The following UPP1 variants were observed in gnomAD, a reference collection of about 807,000 sequenced individuals.
UPP1 encodes the protein uridine phosphorylase 1.
Under a neutral mutation model 29.6 loss-of-function variants are expected in UPP1, and 25 were observed. The ratio of observed to expected loss-of-function variants is 0.85; its 90% CI spans 0.62 to 1.18. The LOEUF (loss-of-function observed/expected upper bound fraction) is 1.18. UPP1 is among the 50% of genes most tolerant of loss of function. The pLI is 0.00. For synonymous variants in UPP1, 165 were observed against 159.8 expected (o/e 1.03, Z -0.25); for missense variants, 368 against 410.4 (o/e 0.90, Z 0.89).
chr7:48,090,556 T>C (rs1195524351), intron 2 of UPP1, among the ~76,000 whole-genome samples, 192 bp downstream of exon 2: 1 of 152,230 alleles, frequency 6.6e-6, no homozygotes, highest in African/African-American at 2.4e-5. Context: ...CTTCCTGGGG[T>C]CTTCTGGTTA....
rs944361118 is a variant in UPP1 at position 48,099,561 on chromosome 7, G to A, written c.45-109G>A. The A allele has an allele frequency of 6.5e-5, 50 of 763,850 alleles. No individual in the cohort carries two copies. In the African/African-American group the frequency reaches 7.8e-4, roughly 12 times the overall value. The allele number at this position is 763,850 out of a possible 1,614,324, so 47.3% of individuals were successfully genotyped here. On this transcript the variant is annotated intron_variant, in intron 3 of 8. Coordinates refer to ENST00000395564, the MANE Select transcript of UPP1 (RefSeq NM_003364.4). ...TGTCTTATCTCCGGGATCTGGCCCT[G>A]TCTTTCTCCCACCATGAGCCTCGTG... is the stretch of plus-strand genomic sequence containing the variant.
Position 48,107,062 on chromosome 7 carries a change from G to A in UPP1, c.626G>A (p.Cys209Tyr). ...EFTTVVGNTM[C>Y]TLDFYEGQGR... ...ACCACAGTGGTGGGGAACACCATGT[G>A]CACCTTGGACTTCTATGAAGGTGAG... Residue 209 changes from cysteine (C) to tyrosine (Y), a missense_variant, in exon 7 of 9, where the codon TGC becomes TAC. Transcript: ENST00000395564. 1.2e-6 allele frequency: 2 copies of A among 1,612,148 alleles called. No homozygotes were observed. The highest frequency in any genetic ancestry group is 1.7e-6 in the Non-Finnish European group (2 of 1,179,888).
At chr7:48,107,711 G>A (rs1792844134) in intron 8 of UPP1, among the ~76,000 whole-genome samples, 2 of 152,174 alleles carry the variant, frequency 1.3e-5, no homozygotes, top group African/African-American at 4.8e-5. Flanking sequence ...ACAAAATGCA[G>A]GATTCTCAGT....
In UPP1 at chr7:48,103,645, TG is replaced by T; in HGVS notation, c.436+239del. 8 of 941,782 alleles carry T rather than the reference TG, an allele frequency of 8.5e-6. No homozygotes were observed. The South Asian group carries it at 9.6e-5, about 11-fold the overall frequency. 58.3% of individuals were successfully genotyped at this position (941,782 alleles called of 1,614,324 possible). A position where few individuals can be genotyped will look rare whatever the true frequency, so the allele number is the denominator to read the frequency against. ...GTAGAAGGGCACCACACCATGCATA[TG>T]GGGGAAACTCATCCTTTTGGGGTTA... On this transcript the variant is annotated intron_variant, in intron 6 of 8. Transcript: ENST00000395564.
intron 2 of UPP1, among the ~76,000 whole-genome samples, chr7:48,091,113 CAACA>C (rs1391601415): frequency 6.6e-6 from 1 of 152,042 alleles, no homozygotes; most frequent in Non-Finnish European, 1.5e-5. Flanking sequence ...TAAAGATAAA[CAACA>C]AACATTCTTC....
At chr7:48,098,356 A>G (rs1792232912) in intron 3 of UPP1, among the ~76,000 whole-genome samples, 1 of 152,192 alleles carries the variant, frequency 6.6e-6, no homozygotes, top group South Asian at 2.1e-4. Context: ...AGATAGAAAT[A>G]GGGATTTGAT....
intron 5 of UPP1, among the ~76,000 whole-genome samples, chr7:48,102,347 C>T (rs1792473215): frequency 6.6e-6 from 1 of 152,168 alleles, no homozygotes; most frequent in Non-Finnish European, 1.5e-5. Flanking sequence ...TCCCCTCTAC[C>T]ACCTCACAGT....
rs1188043174 is a variant in UPP1, at chr7:48,108,284, T to G, written c.860T>G (p.Val287Gly). Residue 287 changes from valine to glycine, a missense_variant, in exon 9 of 9, where the codon GTG (valine) becomes GGG (glycine). Physicochemically the swap from Val to Gly is moderately radical, Grantham distance 109. Transcript: ENST00000395564. ...EGDQISSPRN[V>G]LSEYQQRPQR... Reference sequence around the variant, plus strand: ...GACCAGATCAGCAGCCCTCGCAATGTGCTCAGCGAGTACCAGCAGAGGCCG... The same window carrying G: ...GACCAGATCAGCAGCCCTCGCAATGGGCTCAGCGAGTACCAGCAGAGGCCG... The G allele has an allele frequency of 6.2e-7, 1 of 1,614,146 alleles. No homozygotes were observed. The highest frequency in any genetic ancestry group is 2.2e-5 in the East Asian group (1 of 44,884).
At chr7:48,095,514 C>G (rs1278028017) in intron 3 of UPP1, among the ~76,000 whole-genome samples, 1 of 151,654 alleles carries the variant, frequency 6.6e-6, no homozygotes, top group East Asian at 1.9e-4. Context: ...TGAGACCTCT[C>G]TGAAGTCTCA....
At chr7:48,107,147 C>T in intron 7 of UPP1, 65 bp downstream of exon 7, 1 of 1,571,620 alleles carries the variant, frequency 6.4e-7, no homozygotes, top group Non-Finnish European at 8.7e-7. Flanking sequence ...CCTGAGCCTG[C>T]CTTCTCGCTG....
At chr7:48,088,956 T>C (rs992068603), upstream of UPP1, 8 of 152,436 alleles carry the variant, frequency 5.2e-5, no homozygotes, top group Non-Finnish European at 7.3e-5. Context: ...AGGGGCTGTT[T>C]AATGAGTAAC....
intron 6 of UPP1, chr7:48,103,953 C>T: frequency 2.4e-6 from 3 of 1,246,594 alleles, no homozygotes; most frequent in Admixed American, 5.3e-5. Context: ...GGCGCGGTGG[C>T]TCACACCTGT....
In UPP1 at chr7:48,107,440, C is replaced by T. The variant is rs756236200; in HGVS notation, c.726C>T (p.Ala242=). The change falls in exon 8 of 9, where the codon GCC becomes GCT. Residue 242 remains alanine (A), a synonymous_variant. Transcript: ENST00000395564. ...CGTATCTGGAGGCAGCCTATGCAGCCGGCGTCCGCAATATCGAGATGGAGT... is the reference window on the plus strand; with the variant it reads ...CGTATCTGGAGGCAGCCTATGCAGCTGGCGTCCGCAATATCGAGATGGAGT... The part of the protein sequence containing the change: ...KQAYLEAAYA[A]GVRNIEMESS... 78 of 1,614,060 alleles carry T rather than the reference C, an allele frequency of 4.8e-5. No homozygotes were observed. The highest frequency in any genetic ancestry group is 6.6e-5 in the South Asian group (6 of 91,086).
Position 48,102,380 on chromosome 7 carries a change from G to A in UPP1, c.321+398G>A, listed in dbSNP as rs901302697. On this transcript the variant is annotated intron_variant, in intron 5 of 8. Transcript: ENST00000395564. ...AGTGAGTTACTTCAAAACACATTTTGATTTAGCAAGGAGCATGGTGAACAC... is the reference window on the plus strand; with the variant it reads ...AGTGAGTTACTTCAAAACACATTTTAATTTAGCAAGGAGCATGGTGAACAC... 1.2e-4 allele frequency among the ~76,000 whole-genome samples: 19 copies of A among 152,272 alleles called. No individual in the cohort carries two copies. The Middle Eastern group carries it at 0.01, about 82-fold the overall frequency.
At chr7:48,103,653 ACT>A (rs1792556701) in intron 6 of UPP1, 1 of 998,824 alleles carries the variant, frequency 1.0e-6, no homozygotes, top group Admixed American at 2.6e-5. Flanking sequence ...TATGGGGGAA[ACT>A]CATCCTTTTG....
intron 3 of UPP1, among the ~76,000 whole-genome samples, chr7:48,095,685 C>T (rs540857373): frequency 2.0e-5 from 3 of 152,106 alleles, no homozygotes; most frequent in Admixed American, 1.3e-4. Flanking sequence ...CTCTTGTCGC[C>T]CAGGCTGGAG....
chr7:48,092,173 G>A (rs572039406), intron 2 of UPP1, among the ~76,000 whole-genome samples: 2 of 152,186 alleles, frequency 1.3e-5, no homozygotes, highest in South Asian at 2.1e-4. Flanking sequence ...GCCTGGAGGG[G>A]GCAGAGTTTT....
intron 3 of UPP1, among the ~76,000 whole-genome samples, chr7:48,097,530 G>A (rs1242349703): frequency 1.3e-5 from 2 of 152,102 alleles, no homozygotes; most frequent in African/African-American, 2.4e-5. Flanking sequence ...CACTGTACCC[G>A]GCCAAATTTT....
At chr7:48,093,926 G>A (rs1331294962) in intron 2 of UPP1, among the ~76,000 whole-genome samples, 1 of 152,188 alleles carries the variant, frequency 6.6e-6, no homozygotes, top group Non-Finnish European at 1.5e-5. Flanking sequence ...TTGGGAGGCC[G>A]AGGCTGGTGG....
Sources: gnomAD v4.1 joint callset for allele counts (sites outside exome capture counted in the v4.1 genomes callset) on GRCh38, gnomAD v4.1.1 for gene constraint, MANE v1.5 for transcripts, NCBI Gene and HGNC (gene_info 2026-07-23, HGNC 2026-07-21) for gene names.